Variants in KDM2B observed in about 807,000 individuals in gnomAD.
The protein encoded by KDM2B is lysine demethylase 2B, also known as lysine-specific demethylase 2B.
A neutral mutation model predicts 150.0 loss-of-function variants in KDM2B; 26 were observed. The observed-to-expected ratio is 0.17, with a 90% confidence interval of 0.13 to 0.24. The LOEUF (loss-of-function observed/expected upper bound fraction) is 0.24, where lower values mean the gene tolerates loss of function less well. KDM2B is among the 10% of genes least tolerant of loss of function. The pLI is 1.00. For missense variants in KDM2B, 1,265 were observed against 1,816.9 expected (o/e 0.70, Z 5.52); for synonymous variants, 734 against 729.5 (o/e 1.01, Z -0.10).
intron 6 of KDM2B, among the ~76,000 whole-genome samples, chr12:121,543,471 G>A (rs1263357758): frequency 6.6e-6 from 1 of 151,508 alleles, no homozygotes; most frequent in Non-Finnish European, 1.5e-5. Flanking sequence ...GACCAGCCTG[G>A]GTAACACAGA....
intron 8 of KDM2B, among the ~76,000 whole-genome samples, chr12:121,526,171 A>G (rs1305546135): frequency 3.3e-5 from 5 of 152,056 alleles, no homozygotes; most frequent in African/African-American, 1.2e-4. Context: ...GGCCAACATG[A>G]TGAAACCCCG....
rs1343626365 is a variant in KDM2B, at chr12:121,467,345, G to A, written c.1735-14001C>T. 9 of 981,648 alleles carry A rather than the reference G, an allele frequency of 9.2e-6. No individual in the cohort carries two copies. Among genetic ancestry groups the A allele is most frequent in the Non-Finnish European group, 1.1e-5 (9 of 828,428 alleles). 60.8% of individuals were successfully genotyped at this position (981,648 alleles called of 1,614,324 possible). ...GCTCGGGCTCCCGCTGCCGCGAGGAGGGAGCCGCGCCGCGCGCCTCGCACG... is the reference window on the plus strand; with the variant it reads ...GCTCGGGCTCCCGCTGCCGCGAGGAAGGAGCCGCGCCGCGCGCCTCGCACG... On this transcript the variant is annotated intron_variant, in intron 12 of 22. Transcript: ENST00000377071. This position sits in a 1 kb window ranked among gnomAD's most constrained non-coding sequence, Gnocchi z 5.1.
intron 11 of KDM2B, among the ~76,000 whole-genome samples, chr12:121,503,635 G>C (rs930141736): frequency 1.3e-5 from 2 of 152,212 alleles, no homozygotes; most frequent in South Asian, 2.1e-4. Flanking sequence ...TTAACTTGGA[G>C]GGGGGATGAG....
chr12:121,564,033 T>A lies in KDM2B; in HGVS notation c.397+10514A>T, dbSNP rs1158166521. Among the ~76,000 whole-genome samples the A allele has an allele frequency of 2.6e-5, 4 of 151,938 alleles. No individual in the cohort carries two copies. In the East Asian group the frequency reaches 7.7e-4, roughly 29 times the overall value. ...GGGAGGTTGAGGTGGGAGAATCACT[T>A]GAGACCAGGAGGTTGAGGCGGCAGT... On this transcript the variant is annotated intron_variant, in intron 4 of 22. Transcript: ENST00000377071.
chr12:121,534,031 C>G (rs951368125), intron 7 of KDM2B, among the ~76,000 whole-genome samples: 1 of 152,030 alleles, frequency 6.6e-6, no homozygotes, highest in Admixed American at 6.6e-5. Context: ...CAGAGCAAGA[C>G]CCTATCTCTT....
chr12:121,575,773 C>CA lies in KDM2B; in HGVS notation c.350+7dup. 6.2e-7 allele frequency: 1 copy of CA among 1,602,302 alleles called. No homozygotes were observed. Among genetic ancestry groups the CA allele is most frequent in the Non-Finnish European group, 8.6e-7 (1 of 1,169,196 alleles). On this transcript the variant is annotated splice_region_variant and intron_variant, in intron 3 of 22. Transcript: ENST00000377071. The surrounding 1 kb of genome is among the most constrained non-coding windows in gnomAD (Gnocchi z 4.4). ...CGGGGGAAGGAGTGATTAGTTTCAG[C>CA]AACTTACTTAATTCCCAGTCCATCC...
intron 12 of KDM2B, among the ~76,000 whole-genome samples, chr12:121,462,298 G>GT (rs1249335844): frequency 2.0e-5 from 3 of 152,168 alleles, no homozygotes; most frequent in Non-Finnish European, 4.4e-5. Flanking sequence ...CAGGCTCTGG[G>GT]TTTTTTAATA....
chr12:121,420,851 CAATT>C, the KDM2B span: 2 of 1,089,360 alleles, frequency 1.8e-6, no homozygotes, highest in South Asian at 2.7e-5. Flanking sequence ...GTTTTTGTCA[CAATT>C]AAGTCAAATT....
intron 12 of KDM2B, among the ~76,000 whole-genome samples, chr12:121,483,098 G>A (rs1229232104): frequency 6.6e-6 from 1 of 151,982 alleles, no homozygotes; most frequent in Non-Finnish European, 1.5e-5. Context: ...AGGAGGCAGA[G>A]GCTGCAGTGA....
intron 13 of KDM2B, among the ~76,000 whole-genome samples, chr12:121,446,097 T>C (rs1555290215): frequency 6.6e-6 from 1 of 152,150 alleles, no homozygotes; most frequent in Non-Finnish European, 1.5e-5. Context: ...GCCATACGCT[T>C]ATTAAAAAGA....
chr12:121,546,264 AT>A (rs1250302352), intron 6 of KDM2B, among the ~76,000 whole-genome samples: 1 of 151,792 alleles, frequency 6.6e-6, no homozygotes, highest in Non-Finnish European at 1.5e-5. Flanking sequence ...ATGAACCATC[AT>A]CTCAATCAAT....
intron 12 of KDM2B, among the ~76,000 whole-genome samples, chr12:121,466,601 C>T (rs1268473862): frequency 1.3e-5 from 2 of 151,600 alleles, no homozygotes; most frequent in East Asian, 1.9e-4. Context: ...TTCCTGTCTC[C>T]GTCTGCCCAC....
rs1555295211 is a variant in KDM2B at position 121,467,833 on chromosome 12, G to A, written c.1735-14489C>T. 6.6e-6 allele frequency: 1 copy of A among 152,248 alleles called. No individual in the cohort carries two copies. The highest frequency in any genetic ancestry group is 2.4e-5 in the African/African-American group (1 of 41,450). The allele number at this position is 152,248 out of a possible 1,614,324, so 9.4% of individuals were successfully genotyped here. A position where few individuals can be genotyped will look rare whatever the true frequency, so the allele number is the denominator to read the frequency against. On this transcript the variant is annotated intron_variant, in intron 12 of 22. Coordinates refer to ENST00000377071, the MANE Select transcript of KDM2B (RefSeq NM_032590.5). The surrounding 1 kb of genome is among the most constrained non-coding windows in gnomAD (Gnocchi z 5.1). ...CTTGCAGCAGGCACACGGGCTGCCG[G>A]GTTTGCACTCGCTGCAGGACCAGGA...
At position 121,580,251 on chromosome 12, in the gene KDM2B, GT is replaced by G. The variant is rs1442387476; in HGVS notation, c.126+534del. On this transcript the variant is annotated intron_variant, in intron 1 of 22. Coordinates refer to ENST00000377071, the MANE Select transcript of KDM2B (RefSeq NM_032590.5). ...TCCTAGGAAACCATTTTCAGCAGTT[GT>G]GGGGGGGGGGAGGCGTCGACGTCAT... The G allele has an allele frequency of 5.4e-5, 67 of 1,230,038 alleles. No individual in the cohort carries two copies. In the African/African-American group the frequency reaches 8.5e-4, roughly 16 times the overall value. 76.2% of individuals were successfully genotyped at this position (1,230,038 alleles called of 1,614,324 possible). A position where few individuals can be genotyped will look rare whatever the true frequency, so the allele number is the denominator to read the frequency against.
At chr12:121,576,107 G>A (rs572872964) in intron 2 of KDM2B, among the ~76,000 whole-genome samples, 2 of 152,212 alleles carry the variant, frequency 1.3e-5, no homozygotes, top group South Asian at 2.1e-4. Flanking sequence ...ATGCCCCACC[G>A]GTCCAAACTT....
At chr12:121,570,040 GTT>G (rs1483480017) in intron 4 of KDM2B, among the ~76,000 whole-genome samples, 1 of 151,518 alleles carries the variant, frequency 6.6e-6, no homozygotes, top group Non-Finnish European at 1.5e-5. Context: ...GGTTTTTTGG[GTT>G]TTTTTGGTTT....
intron 4 of KDM2B, among the ~76,000 whole-genome samples, chr12:121,568,234 C>T (rs966849664): frequency 6.6e-6 from 1 of 151,994 alleles, no homozygotes; most frequent in Non-Finnish European, 1.5e-5. Context: ...TTTGGGAGGT[C>T]GAAGCAGGAG....
chr12:121,423,792 G>A, the KDM2B span: 5 of 524,382 alleles, frequency 9.5e-6, no homozygotes, highest in Middle Eastern at 8.7e-4. This position sits in a 1 kb window ranked among gnomAD's most constrained non-coding sequence, Gnocchi z 4.3. Context: ...CCCGGGCTCA[G>A]CTGGGCTTTA....
chr12:121,450,893 T>C (rs1555291484), intron 13 of KDM2B, among the ~76,000 whole-genome samples: 1 of 150,550 alleles, frequency 6.6e-6, no homozygotes, highest in African/African-American at 2.4e-5. Flanking sequence ...GGAACTTTCA[T>C]GCACCCGTGG....
Sources: gnomAD v4.1 joint callset for allele counts (sites outside exome capture counted in the v4.1 genomes callset) on GRCh38, gnomAD v4.1.1 for gene constraint, Gnocchi (gnomAD v3.1) non-coding constraint, MANE v1.5 for transcripts, NCBI Gene and HGNC (gene_info 2026-07-23, HGNC 2026-07-21) for gene names.